The following IL12RB1 variants were observed in gnomAD, a reference collection of about 807,000 sequenced individuals.
IL12RB1 encodes interleukin-12 receptor subunit beta-1.
IL12RB1 carries 64 observed loss-of-function variants against 94.4 expected under a neutral mutation model. The ratio of observed to expected loss-of-function variants is 0.68; its 90% CI spans 0.55 to 0.83. The LOEUF (loss-of-function observed/expected upper bound fraction) is 0.83, where lower values mean the gene tolerates loss of function less well. IL12RB1 is among the 40% of genes least tolerant of loss of function. The pLI is 0.00. For synonymous variants in IL12RB1, 362 were observed against 355.5 expected (o/e 1.02, Z -0.21); for missense variants, 814 against 855.6 (o/e 0.95, Z 0.61).
At chr19:18,063,073 C>CT (rs2034272744) in intron 13 of IL12RB1, among the ~76,000 whole-genome samples, 3 of 109,320 alleles carry the variant, frequency 2.7e-5, no homozygotes, top group African/African-American at 7.9e-5. Context: ...CCTTCTTCTT[C>CT]TTCTATTTTT....
chr19:18,066,476 G>T, intron 12 of IL12RB1, 66 bp downstream of exon 12: 1 of 1,180,006 alleles, frequency 8.5e-7, no homozygotes, highest in Non-Finnish European at 1.3e-6. Flanking sequence ...GGGTCACACA[G>T]CAAGAGAGAT....
Position 18,059,606 on chromosome 19 carries a change from G to A in IL12RB1, c.*2C>T, listed in dbSNP as rs368721970. 7 of 780,444 alleles carry A rather than the reference G, an allele frequency of 9.0e-6. No individual in the cohort carries two copies. Among genetic ancestry groups the A allele is most frequent in the African/African-American group, 3.4e-5 (2 of 59,128 alleles). 48.3% of individuals were successfully genotyped at this position (780,444 alleles called of 1,614,324 possible). On this transcript the variant is annotated 3_prime_UTR_variant, in exon 17 of 17. Coordinates refer to ENST00000593993, the MANE Select transcript of IL12RB1 (RefSeq NM_005535.3). ...TCACTCACCCTCTCTGAGCCTCAACGATCACATCTGTAAAGTACAACAGTC... is the reference window on the plus strand; with the variant it reads ...TCACTCACCCTCTCTGAGCCTCAACAATCACATCTGTAAAGTACAACAGTC...
At chr19:18,098,775 G>C (rs1599629298) in exon 1 of IL12RB1, 1 of 456,588 alleles carries the variant, frequency 2.2e-6, no homozygotes. Flanking sequence ...TTTATGGAGC[G>C]CCTGCTGTGT....
chr19:18,096,171 G>A (rs576747926), intron 1 of IL12RB1, among the ~76,000 whole-genome samples: 3 of 152,220 alleles, frequency 2.0e-5, no homozygotes, highest in Admixed American at 2.0e-4. Context: ...GAGCCCGGGA[G>A]GTAGAGGCTG....
chr19:18,079,527 ATCTCCCCCATTTCCTCCT>A, intron 4 of IL12RB1, among the ~76,000 whole-genome samples: 1 of 152,004 alleles, frequency 6.6e-6, no homozygotes. Flanking sequence ...TTTGACCTAC[ATCTCCCCCATTTCCTCCT>A]TCTCTCCATC....
upstream of IL12RB1, chr19:18,087,133 C>A: frequency 4.2e-6 from 2 of 471,616 alleles, no homozygotes; most frequent in South Asian, 4.3e-5. Context: ...AACTGAACAC[C>A]CAGATGCCAG....
intron 2 of IL12RB1, chr19:18,083,126 TG>T (rs5827396): frequency 0.066 from 28,314 of 427,780 alleles, 1,066 homozygotes; most frequent in African/African-American, 0.19. Context: ...TTTATCAGGT[TG>T]GGGGGGGGGC....
chr19:18,082,756 T>C (rs956940190), intron 2 of IL12RB1, among the ~76,000 whole-genome samples: 4 of 152,156 alleles, frequency 2.6e-5, no homozygotes, highest in African/African-American at 9.7e-5. Flanking sequence ...TTCAGACCCT[T>C]TTCAGGGTGC....
intron 13 of IL12RB1, among the ~76,000 whole-genome samples, chr19:18,062,976 C>A (rs944987383): frequency 6.6e-6 from 1 of 150,684 alleles, no homozygotes; most frequent in Non-Finnish European, 1.5e-5. Flanking sequence ...ATGCACCCGA[C>A]AACAGAGCCT....
In IL12RB1 at chr19:18,081,475, G is replaced by GT. The variant is rs530363552; in HGVS notation, c.240-475dup. On this transcript the variant is annotated intron_variant, in intron 3 of 16. Coordinates refer to ENST00000593993, the MANE Select transcript of IL12RB1 (RefSeq NM_005535.3). ...TGGAGATCAGTCTGGGACTGGAGGG[G>GT]TTTGAGGGACCCCAGTATCTCCCAG... Among the ~76,000 whole-genome samples, 395 of 151,932 alleles carry GT rather than the reference G, an allele frequency of 2.6e-3. 2 individuals carry two copies. The highest frequency in any genetic ancestry group is 9.1e-3 in the African/African-American group (376 of 41,458).
At chr19:18,075,051 C>CA (rs569024952) in intron 7 of IL12RB1, among the ~76,000 whole-genome samples, 1,614 of 126,532 alleles carry the variant, frequency 0.013, 18 homozygotes, top group African/African-American at 0.034. Flanking sequence ...GACTCCGTCT[C>CA]AAAAAAAAAA....
chr19:18,082,424 A>T (rs542934093), intron 2 of IL12RB1, 160 bp from the exon 3 acceptor site: 19 of 667,168 alleles, frequency 2.8e-5, no homozygotes, highest in Admixed American at 2.1e-4. Context: ...ACCTCAACCT[A>T]TTCCGAATCC....
chr19:18,082,497 C>T (rs970711541), intron 2 of IL12RB1, among the ~76,000 whole-genome samples: 13 of 152,142 alleles, frequency 8.5e-5, no homozygotes, highest in African/African-American at 2.7e-4. Flanking sequence ...CTATCCCTCA[C>T]CCTCCTCTGG....
At chr19:18,087,890 C>T (rs2036445428), upstream of IL12RB1, among the ~76,000 whole-genome samples, 1 of 152,096 alleles carries the variant, frequency 6.6e-6, no homozygotes, top group Admixed American at 6.6e-5. Flanking sequence ...GGCCTAATTT[C>T]ATCCTTCCAA....
chr19:18,089,015 A>T (rs2036514619), upstream of IL12RB1, among the ~76,000 whole-genome samples: 1 of 149,212 alleles, frequency 6.7e-6, no homozygotes. Flanking sequence ...TGGGTGACAG[A>T]GTGAGACTCC....
chr19:18,063,821 A>G, intron 13 of IL12RB1, 55 bp downstream of exon 13: 2 of 1,528,196 alleles, frequency 1.3e-6, no homozygotes, highest in Non-Finnish European at 1.8e-6. Context: ...TCATTGTGGG[A>G]AGCGCAGTGC....
chr19:18,081,528 C>T (rs1240993423), intron 3 of IL12RB1, among the ~76,000 whole-genome samples: 1 of 151,560 alleles, frequency 6.6e-6, no homozygotes, highest in East Asian at 2.0e-4. Flanking sequence ...AGCGAAGAAA[C>T]GAATGAAAGG....
chr19:18,082,200 G>A lies in IL12RB1; in HGVS notation c.189C>T (p.Ser63=), dbSNP rs1332117463. The change falls in exon 3 of 17, where the codon TCC becomes TCT. Residue 63 remains serine, a synonymous_variant. Transcript: ENST00000593993. The part of the protein sequence containing the change: ...YRISSDRYEC[S]WQYEGPTAGV... ...CAGCTGTGGGACCCTCATACTGCCA[G>A]GAGCACTCGTAACGATCACTGGATA... 1.2e-6 allele frequency: 2 copies of A among 1,613,848 alleles called. No individual in the cohort carries two copies. The highest frequency in any genetic ancestry group is 1.7e-6 in the Non-Finnish European group (2 of 1,179,906).
At chr19:18,073,449 C>T (rs1599506605) in intron 8 of IL12RB1, 68 bp downstream of exon 8, 1 of 952,616 alleles carries the variant, frequency 1.0e-6, no homozygotes. Flanking sequence ...TTGCTCATCC[C>T]CCGCCTAGGC....
Sources: gnomAD v4.1 joint callset for allele counts (sites outside exome capture counted in the v4.1 genomes callset) on GRCh38, gnomAD v4.1.1 for gene constraint, MANE v1.5 for transcripts, NCBI Gene and HGNC (gene_info 2026-07-23, HGNC 2026-07-21) for gene names.